Variants in FBXW11 observed in about 807,000 individuals in gnomAD.
The protein encoded by FBXW11 is F-box/WD repeat-containing protein 11.
Under a neutral mutation model 77.6 loss-of-function variants are expected in FBXW11, and 19 were observed. That is an observed-to-expected ratio of 0.24 (90% CI 0.17 to 0.36). The LOEUF (loss-of-function observed/expected upper bound fraction) is 0.36. Among genes scored for constraint, FBXW11 ranks in the 10% least tolerant of loss-of-function variants. The pLI is 1.00. For synonymous variants in FBXW11, 235 were observed against 249.4 expected, an observed-to-expected ratio of 0.94 and a Z score of 0.54; for missense variants, 334 against 704.2, an observed-to-expected ratio of 0.47 and a Z score of 5.95.
chr5:171,962,997 C>G (rs1763987966), intron 1 of FBXW11, among the ~76,000 whole-genome samples: 2 of 152,154 alleles, frequency 1.3e-5, no homozygotes, highest in African/African-American at 4.8e-5. Flanking sequence ...CCACTTCCCA[C>G]AGAATCATTA....
chr5:171,911,501 T>C (rs1760882970), intron 3 of FBXW11, among the ~76,000 whole-genome samples: 1 of 152,194 alleles, frequency 6.6e-6, no homozygotes, highest in Non-Finnish European at 1.5e-5. Context: ...CTGAAAGCAA[T>C]TCAATCCAAA....
intron 4 of FBXW11, among the ~76,000 whole-genome samples, chr5:171,909,770 G>C (rs1760767028): frequency 6.6e-6 from 1 of 152,312 alleles, no homozygotes; most frequent in South Asian, 2.1e-4. Flanking sequence ...AGACAGTAGT[G>C]AGGGAGAGGA....
intron 1 of FBXW11, among the ~76,000 whole-genome samples, chr5:172,004,228 A>C (rs983880659): frequency 2.6e-5 from 4 of 152,236 alleles, no homozygotes; most frequent in African/African-American, 9.7e-5. Flanking sequence ...TACTAAAATA[A>C]ATACACATAT....
intron 13 of FBXW11, among the ~76,000 whole-genome samples, chr5:171,867,400 T>C (rs1310996825): frequency 6.6e-6 from 1 of 152,188 alleles, no homozygotes; most frequent in Non-Finnish European, 1.5e-5. Context: ...AAAAATTCTT[T>C]TAATTTTTTT....
At chr5:171,987,940 T>C (rs2113534192) in intron 1 of FBXW11, among the ~76,000 whole-genome samples, 1 of 152,318 alleles carries the variant, frequency 6.6e-6, no homozygotes, top group East Asian at 1.9e-4. Context: ...AAACAATACC[T>C]AGAACAGAGT....
chr5:171,894,550 C>T (rs924336650), intron 6 of FBXW11, among the ~76,000 whole-genome samples: 45 of 152,172 alleles, frequency 3.0e-4, no homozygotes, highest in African/African-American at 1.1e-3. Flanking sequence ...GCGCACCAAT[C>T]CTGGGTAACT....
At chr5:171,982,120 A>G (rs1581070857) in intron 1 of FBXW11, among the ~76,000 whole-genome samples, 1 of 152,216 alleles carries the variant, frequency 6.6e-6, no homozygotes, top group South Asian at 2.1e-4. Context: ...ATATTTCTCA[A>G]AACTCAAACA....
chr5:171,885,926 C>CA (rs1000998673), intron 7 of FBXW11, among the ~76,000 whole-genome samples: 2 of 151,596 alleles, frequency 1.3e-5, no homozygotes, highest in Admixed American at 6.6e-5. Context: ...CAGAATAGAG[C>CA]AAAAAAAAGG....
In FBXW11 at chr5:171,869,650, G is replaced by A. The variant is rs1383731653; in HGVS notation, c.1530+79C>T. 2.8e-6 allele frequency: 3 copies of A among 1,053,548 alleles called. No individual in the cohort carries two copies. The highest frequency in any genetic ancestry group is 5.8e-5 in the East Asian group (2 of 34,566). The allele number at this position is 1,053,548 out of a possible 1,614,324, so 65.3% of individuals were successfully genotyped here. On this transcript the variant is annotated intron_variant, in intron 12 of 13. Transcript: ENST00000517395. This position sits in a 1 kb window ranked among gnomAD's most constrained non-coding sequence, Gnocchi z 4.1. ...TTGTGAGACACACAAGCGTTCCTGT[G>A]ATACACCTAGACAGGACTATCTGCA...
At chr5:172,002,924 C>T (rs768469820) in intron 1 of FBXW11, among the ~76,000 whole-genome samples, 5 of 151,900 alleles carry the variant, frequency 3.3e-5, no homozygotes, top group Non-Finnish European at 4.4e-5. Flanking sequence ...GTCTCTAACT[C>T]CTGGGCTCAA....
chr5:171,912,907 C>CAA lies in FBXW11; in HGVS notation c.210+1434_210+1435dup, dbSNP rs538848079. Among the ~76,000 whole-genome samples, 166 of 114,594 alleles carry CAA rather than the reference C, an allele frequency of 1.4e-3. 1 individual carries two copies. The highest frequency in any genetic ancestry group is 5.0e-3 in the African/African-American group (154 of 30,700). 75.2% of individuals were successfully genotyped at this position (114,594 alleles called of 152,430 possible). On this transcript the variant is annotated intron_variant, in intron 3 of 13. Coordinates refer to ENST00000517395, the MANE Select transcript of FBXW11 (RefSeq NM_001378974.1). ...CCTGGGGTGCACAGCAAGACTGCGT[C>CAA]AAAAAAAAAAAAAAGTAATATTTTT...
chr5:171,970,563 T>C (rs1457490539), intron 1 of FBXW11, among the ~76,000 whole-genome samples: 1 of 152,226 alleles, frequency 6.6e-6, no homozygotes, highest in Non-Finnish European at 1.5e-5. Flanking sequence ...TACTCATTTC[T>C]TGAATACATA....
At chr5:171,870,727 C>A in intron 11 of FBXW11, 21 bp downstream of exon 11, 1 of 1,533,534 alleles carries the variant, frequency 6.5e-7, no homozygotes. Context: ...AGCAGTACAT[C>A]TGAAAATCTG....
rs1198809796 is a variant in FBXW11, at chr5:171,952,422, CATATATATATATATAT to C, written c.147+5159_147+5174del. Among the ~76,000 whole-genome samples the C allele has an allele frequency of 1.4e-4, 2 of 14,644 alleles. 1 individual carries two copies. The highest frequency in any genetic ancestry group is 2.7e-4 in the Non-Finnish European group (2 of 7,436). The allele number at this position is 14,644 out of a possible 152,430, so 9.6% of individuals were successfully genotyped here. On this transcript the variant is annotated intron_variant, in intron 2 of 13. Transcript: ENST00000517395. ...TGTGTGTGTGTGTTGTGTGTACATA[CATATATATATATATAT>C]ATATATATATTTTTTTTTTTTTTTT...
chr5:171,884,925 CA>C (rs2113815297), intron 7 of FBXW11, among the ~76,000 whole-genome samples: 1 of 152,276 alleles, frequency 6.6e-6, no homozygotes, highest in East Asian at 1.9e-4. Flanking sequence ...GTACATTAAT[CA>C]AAAGGAAATG....
intron 2 of FBXW11, among the ~76,000 whole-genome samples, chr5:171,947,606 AG>A (rs1385774790): frequency 6.6e-6 from 1 of 152,172 alleles, no homozygotes; most frequent in African/African-American, 2.4e-5. Flanking sequence ...AGATAATCTA[AG>A]GTATGAAGCA....
intron 10 of FBXW11, 53 bp downstream of exon 10, chr5:171,872,819 C>T (rs1194960610): frequency 1.9e-5 from 25 of 1,340,812 alleles, no homozygotes; most frequent in Non-Finnish European, 2.7e-5. Flanking sequence ...GGAGATGAGT[C>T]AACAATGTGG....
At chr5:171,960,259 C>T (rs147466342) in intron 1 of FBXW11, among the ~76,000 whole-genome samples, 3 of 152,266 alleles carry the variant, frequency 2.0e-5, no homozygotes, top group Non-Finnish European at 4.4e-5. Context: ...CCCATAGTAC[C>T]AGCTGCTCGG....
chr5:171,868,189 G>A (rs746996589), intron 13 of FBXW11: 1 of 152,216 alleles, frequency 6.6e-6, no homozygotes, highest in Admixed American at 6.5e-5. Context: ...GTGGTAGTGG[G>A]GAAGAGAGGG....
Sources: allele counts gnomAD v4.1 joint callset (sites outside exome capture counted in the v4.1 genomes callset), GRCh38; gene constraint gnomAD v4.1.1; non-coding constraint Gnocchi (gnomAD v3.1); transcripts MANE v1.5; gene names NCBI Gene and HGNC (gene_info 2026-07-23, HGNC 2026-07-21).